Variants in UNC13C observed in about 807,000 individuals in gnomAD.
The protein encoded by UNC13C is unc-13 homolog C, also known as protein unc-13 homolog C.
A neutral mutation model predicts 245.4 loss-of-function variants in UNC13C; 174 were observed. The observed-to-expected ratio is 0.71, with a 90% CI of 0.63 to 0.80. The LOEUF (loss-of-function observed/expected upper bound fraction) is 0.80, where lower values mean the gene tolerates loss of function less well. UNC13C is among the 30% of genes least tolerant of loss of function. The pLI is 0.00. For missense variants in UNC13C, 2,829 were observed against 2,602.9 expected, an observed-to-expected ratio of 1.09 and a Z score of -1.89; for synonymous variants, 992 against 895.1, an observed-to-expected ratio of 1.11 and a Z score of -1.93.
the UNC13C span, among the ~76,000 whole-genome samples, chr15:53,897,716 G>C: frequency 6.6e-6 from 1 of 152,184 alleles, no homozygotes; most frequent in Admixed American, 6.5e-5. Context: ...TTGATGAGAA[G>C]CTATCCCTTA....
intron 17 of UNC13C, among the ~76,000 whole-genome samples, chr15:54,387,755 T>C (rs1015367305): frequency 6.6e-6 from 1 of 152,214 alleles, no homozygotes. Flanking sequence ...TATTATTTTA[T>C]CTTGCCACAT....
At chr15:54,496,717 T>C (rs2947006) in intron 20 of UNC13C, among the ~76,000 whole-genome samples, 1 of 151,684 alleles carries the variant, frequency 6.6e-6, no homozygotes. Context: ...AACTCAGGAA[T>C]GGAAAACCAA....
intron 2 of UNC13C, among the ~76,000 whole-genome samples, chr15:54,056,980 C>A (rs1251317085): frequency 6.6e-6 from 1 of 152,174 alleles, no homozygotes; most frequent in African/African-American, 2.4e-5. Flanking sequence ...TAGAAAGGAA[C>A]AACTGGTACC....
Position 54,264,893 on chromosome 15 carries a change from C to A in UNC13C, c.3677-462C>A, listed in dbSNP as rs1472517852. Reference sequence around the variant, plus strand: ...TGACTGTGCAGCCTGTTAACATTTACCAAGACTCTTCACTTACTCATTTTG... The same window carrying A: ...TGACTGTGCAGCCTGTTAACATTTAACAAGACTCTTCACTTACTCATTTTG... On this transcript the variant is annotated intron_variant, in intron 9 of 32. Coordinates refer to ENST00000260323, the MANE Select transcript of UNC13C (RefSeq NM_001080534.3). 2.0e-5 allele frequency among the ~76,000 whole-genome samples: 3 copies of A among 151,814 alleles called. No homozygotes were observed. The East Asian group carries it at 5.8e-4, about 29-fold the overall frequency.
downstream of UNC13C, chr15:54,629,152 G>A (rs999533212): frequency 2.0e-5 from 3 of 152,084 alleles, no homozygotes; most frequent in African/African-American, 7.2e-5. Context: ...GGATGGAGCT[G>A]GAGGCCATTA....
intron 2 of UNC13C, among the ~76,000 whole-genome samples, chr15:54,128,225 T>A (rs56413223): frequency 0.34 from 51,925 of 152,070 alleles, 10,930 homozygotes; most frequent in Non-Finnish European, 0.47. Flanking sequence ...GAAAGATTTC[T>A]ACAAGAACTA....
chr15:54,103,275 T>G (rs1900259879), intron 2 of UNC13C, among the ~76,000 whole-genome samples: 1 of 152,178 alleles, frequency 6.6e-6, no homozygotes, highest in Non-Finnish European at 1.5e-5. Context: ...ACCTGTTCTC[T>G]CACACTTATT....
chr15:54,458,680 C>CTTTTTTTTTTTT (rs79291504), intron 19 of UNC13C, among the ~76,000 whole-genome samples: 6 of 65,970 alleles, frequency 9.1e-5, no homozygotes, highest in African/African-American at 1.2e-4. Flanking sequence ...CCTTTAAGGT[C>CTTTTTTTTTTTT]TTTTTTTTTT....
the UNC13C span, among the ~76,000 whole-genome samples, chr15:53,895,158 G>T: frequency 6.6e-6 from 1 of 152,032 alleles, no homozygotes; most frequent in African/African-American, 2.4e-5. Context: ...GAGGTCAGGA[G>T]TTTGAGACCA....
At chr15:54,554,404 G>T (rs2141195377) in intron 28 of UNC13C, among the ~76,000 whole-genome samples, 1 of 152,078 alleles carries the variant, frequency 6.6e-6, no homozygotes, top group South Asian at 2.1e-4. Context: ...TGTTCCACTT[G>T]CCAAGCCGTA....
intron 17 of UNC13C, among the ~76,000 whole-genome samples, chr15:54,376,889 C>A (rs2039619063): frequency 6.6e-6 from 1 of 152,128 alleles, no homozygotes; most frequent in South Asian, 2.1e-4. Flanking sequence ...GAACAAGTGC[C>A]TTTGCAAATG....
chr15:54,541,875 T>C (rs1340453492), intron 26 of UNC13C, among the ~76,000 whole-genome samples: 1 of 152,106 alleles, frequency 6.6e-6, no homozygotes, highest in African/African-American at 2.4e-5. Flanking sequence ...ACCTTTGCCA[T>C]GTTGTTATGT....
intron 4 of UNC13C, among the ~76,000 whole-genome samples, chr15:54,172,680 T>C (rs1235004048): frequency 2.5e-5 from 3 of 120,652 alleles, no homozygotes; most frequent in Non-Finnish European, 5.2e-5. Flanking sequence ...TATTAATTTA[T>C]GACAAAGTCA....
chr15:54,089,670 T>C (rs1251530593), intron 2 of UNC13C, among the ~76,000 whole-genome samples: 5 of 151,950 alleles, frequency 3.3e-5, no homozygotes, highest in African/African-American at 1.2e-4. Flanking sequence ...CTTTTTTTTT[T>C]TTTTTTTCCC....
At chr15:54,526,740 GA>G (rs1164016477) in intron 25 of UNC13C, among the ~76,000 whole-genome samples, 9,670 of 62,834 alleles carry the variant, frequency 0.15, 269 homozygotes, top group Middle Eastern at 0.22. Flanking sequence ...ACTCCGTCTA[GA>G]AAAAAAAAAA....
chr15:54,348,439 A>G (rs1426992072), intron 17 of UNC13C, among the ~76,000 whole-genome samples: 1 of 152,158 alleles, frequency 6.6e-6, no homozygotes, highest in East Asian at 1.9e-4. Flanking sequence ...CTTAATATTG[A>G]ATTTGTAGCA....
At chr15:53,918,460 A>T in the UNC13C span, among the ~76,000 whole-genome samples, 1 of 152,124 alleles carries the variant, frequency 6.6e-6, no homozygotes, top group Non-Finnish European at 1.5e-5. Flanking sequence ...TTTAACCTTC[A>T]ACCTTTCATA....
At chr15:54,213,364 A>T (rs1341308059) in intron 4 of UNC13C, among the ~76,000 whole-genome samples, 1 of 152,060 alleles carries the variant, frequency 6.6e-6, no homozygotes, top group African/African-American at 2.4e-5. Flanking sequence ...TATTTTATAT[A>T]GTTCCTATTT....
chr15:54,361,910 T>A (rs528399325), intron 17 of UNC13C, among the ~76,000 whole-genome samples: 1 of 152,366 alleles, frequency 6.6e-6, no homozygotes, highest in South Asian at 2.1e-4. Context: ...TCCTGCTATT[T>A]TTTTCTAGTC....
Sources: gnomAD v4.1 joint callset for allele counts (sites outside exome capture counted in the v4.1 genomes callset) on GRCh38, gnomAD v4.1.1 for gene constraint, MANE v1.5 for transcripts, NCBI Gene and HGNC (gene_info 2026-07-23, HGNC 2026-07-21) for gene names.